LAMA4: variants seen among roughly 807,000 people sequenced by gnomAD.
The protein encoded by LAMA4 is laminin subunit alpha-4.
In LAMA4, 127 loss-of-function variants were observed where a neutral mutation model predicts 207.1. That is an observed-to-expected ratio of 0.61 (90% confidence interval 0.53 to 0.71). The LOEUF is 0.71. LAMA4 is among the 30% of genes least tolerant of loss of function. The pLI is 0.00. For synonymous variants in LAMA4, 761 were observed against 816.0 expected (o/e 0.93, Z 1.15); for missense variants, 2,093 against 2,246.5 (o/e 0.93, Z 1.38).
At chr6:112,210,204 C>CTT (rs56690682) in intron 3 of LAMA4, among the ~76,000 whole-genome samples, 1 of 142,346 alleles carries the variant, frequency 7.0e-6, no homozygotes, top group African/African-American at 2.5e-5. Context: ...TCAGGTACGT[C>CTT]TTTTTTTTTT....
At chr6:112,244,535 A>G (rs2114404128) in intron 2 of LAMA4, among the ~76,000 whole-genome samples, 1 of 152,330 alleles carries the variant, frequency 6.6e-6, no homozygotes, top group South Asian at 2.1e-4. Context: ...TTACTTTCTT[A>G]ATAAACTTGC....
chr6:112,116,425 A>C (rs1334562293), intron 35 of LAMA4, among the ~76,000 whole-genome samples: 1 of 152,204 alleles, frequency 6.6e-6, no homozygotes, highest in Non-Finnish European at 1.5e-5. Context: ...AGAAGGAGGC[A>C]TGGTGAGTGG....
intron 16 of LAMA4, among the ~76,000 whole-genome samples, chr6:112,151,029 GC>G (rs1780369870): frequency 6.6e-6 from 1 of 152,004 alleles, no homozygotes; most frequent in Admixed American, 6.6e-5. Context: ...AATTTTAATT[GC>G]AATATAACAT....
In LAMA4 at chr6:112,142,203, C is replaced by A. The variant is rs1779738963; in HGVS notation, c.2583G>T (p.Leu861=). Residue 861 remains leucine (L), a synonymous_variant, in exon 20 of 39, where the codon CTG becomes CTT. Transcript: ENST00000230538. The part of the protein sequence containing the change: ...SMDDLKAFTS[L]SLYMKPPVKR... ...TCACAGGGGGTTTCATGTACAGGCT[C>A]AGAGACGTGAAGGCCTTTAAGTCAT... 1.2e-6 allele frequency: 2 copies of A among 1,614,124 alleles called. No individual in the cohort carries two copies. The highest frequency in any genetic ancestry group is 1.7e-6 in the Non-Finnish European group (2 of 1,180,014).
chr6:112,140,654 GCT>G (rs2114699304), intron 22 of LAMA4, 104 bp downstream of exon 22: 1 of 1,000,998 alleles, frequency 1.0e-6, no homozygotes, highest in Admixed American at 2.0e-5. Flanking sequence ...CATGAACTAA[GCT>G]CTTAAAGTGA....
chr6:112,166,320 C>A (rs1205246345), intron 12 of LAMA4: 1 of 152,166 alleles, frequency 6.6e-6, no homozygotes, highest in Non-Finnish European at 1.5e-5. Flanking sequence ...AATGCAAGAA[C>A]ATTTTTAAAG....
At chr6:112,135,130 T>C (rs562017366) in intron 25 of LAMA4, among the ~76,000 whole-genome samples, 19 of 151,992 alleles carry the variant, frequency 1.3e-4, no homozygotes, top group African/African-American at 3.4e-4. Flanking sequence ...TGTGTGAGCA[T>C]GTGTGTTACG....
chr6:112,163,302 A>G (rs1165952129), intron 13 of LAMA4, among the ~76,000 whole-genome samples: 5 of 151,990 alleles, frequency 3.3e-5, no homozygotes, highest in Admixed American at 6.5e-5. Context: ...AGCTGAGAAT[A>G]TATCTTACAT....
intron 5 of LAMA4, among the ~76,000 whole-genome samples, chr6:112,198,857 A>G (rs1001023382): frequency 2.6e-5 from 4 of 152,112 alleles, no homozygotes; most frequent in Non-Finnish European, 5.9e-5. Context: ...CCCACACTCA[A>G]AACTTTGCAG....
chr6:112,114,744 C>G lies in LAMA4; in HGVS notation c.5125G>C (p.Val1709Leu). The G allele has an allele frequency of 3.1e-6, 5 of 1,609,282 alleles. No individual in the cohort carries two copies. The highest frequency in any genetic ancestry group is 2.6e-6 in the Non-Finnish European group (3 of 1,175,738). The change falls in exon 37 of 39, where the codon GTC becomes CTC. Residue 1709 changes from valine (V) to leucine (L), a missense_variant. Val to Leu is a conservative substitution (Grantham distance 32). Transcript: ENST00000230538. Reference protein sequence around the residue: ...HMKNGQVIVKVNNGIRDFSTS... With the variant: ...HMKNGQVIVKLNNGIRDFSTS... ...GAAAAATCTCTGATGCCATTATTGA[C>G]TTTCACTATGACCTGCAAAAGATAG...
chr6:112,158,708 G>A (rs1780873614), intron 14 of LAMA4, 24 bp downstream of exon 14: 1 of 1,598,046 alleles, frequency 6.3e-7, no homozygotes, highest in African/African-American at 1.3e-5. Context: ...GTAGATATTT[G>A]CATTTCTAAA....
intron 14 of LAMA4, among the ~76,000 whole-genome samples, chr6:112,157,374 T>A (rs1780780883): frequency 6.6e-6 from 1 of 152,198 alleles, no homozygotes; most frequent in Admixed American, 6.5e-5. Context: ...CATGTGCTAT[T>A]GAAATGGAAG....
intron 2 of LAMA4, among the ~76,000 whole-genome samples, chr6:112,246,202 G>A (rs1442781504): frequency 5.9e-5 from 9 of 152,014 alleles, no homozygotes; most frequent in African/African-American, 1.9e-4. Context: ...ATATGAGTAG[G>A]TATTTAAATA....
intron 5 of LAMA4, among the ~76,000 whole-genome samples, chr6:112,199,280 C>T (rs537171560): frequency 6.6e-6 from 1 of 152,196 alleles, no homozygotes; most frequent in Non-Finnish European, 1.5e-5. Context: ...CAGGTGATTT[C>T]ACTTCTGCGA....
chr6:112,121,729 T>C (rs1778370877), intron 32 of LAMA4: 1 of 380,474 alleles, frequency 2.6e-6, no homozygotes, highest in South Asian at 2.3e-5. Flanking sequence ...TGATGAGTCA[T>C]TTGAAACTTG....
At chr6:112,206,037 A>G (rs1562732027) in intron 4 of LAMA4, among the ~76,000 whole-genome samples, 1 of 152,170 alleles carries the variant, frequency 6.6e-6, no homozygotes, top group Non-Finnish European at 1.5e-5. Context: ...ATCCTGCTCT[A>G]TGCATCACTT....
At chr6:112,198,692 C>G (rs782287495) in intron 5 of LAMA4, among the ~76,000 whole-genome samples, 1 of 152,134 alleles carries the variant, frequency 6.6e-6, no homozygotes, top group Admixed American at 6.6e-5. Flanking sequence ...CTATTTAGCT[C>G]AGAGCTGTAA....
intron 11 of LAMA4, 80 bp from the exon 12 acceptor site, chr6:112,172,884 A>G: frequency 8.5e-7 from 1 of 1,175,090 alleles, no homozygotes; most frequent in South Asian, 1.3e-5. Context: ...GCAAAGTTGC[A>G]AAATTCTCAG....
chr6:112,157,321 A>AT (rs34449915), intron 14 of LAMA4, among the ~76,000 whole-genome samples: 46,807 of 152,094 alleles, frequency 0.31, 7,667 homozygotes, highest in African/African-American at 0.42. Context: ...TTTGCTTTTA[A>AT]TACTAGGCAC....
Sources: gnomAD v4.1 joint callset for allele counts (sites outside exome capture counted in the v4.1 genomes callset) on GRCh38, gnomAD v4.1.1 for gene constraint, MANE v1.5 for transcripts, NCBI Gene and HGNC (gene_info 2026-07-23, HGNC 2026-07-21) for gene names.